The following ZNF385B variants were observed in gnomAD, a reference collection of about 807,000 sequenced individuals.
ZNF385B encodes the protein zinc finger protein 385B, also known as zinc finger protein 533.
In ZNF385B, 23 loss-of-function variants were observed where a neutral mutation model predicts 39.2. The observed-to-expected ratio is 0.59, with a 90% CI of 0.42 to 0.83. The LOEUF (loss-of-function observed/expected upper bound fraction) is 0.83. Among genes scored for constraint, ZNF385B ranks in the 40% least tolerant of loss-of-function variants. ZNF385B has a pLI of 0.00. For synonymous variants in ZNF385B, 205 were observed against 222.6 expected, an observed-to-expected ratio of 0.92 and a Z score of 0.70; for missense variants, 552 against 598.9, an observed-to-expected ratio of 0.92 and a Z score of 0.82.
At chr2:179,584,287 G>A (rs535111902) in intron 3 of ZNF385B, among the ~76,000 whole-genome samples, 1 of 152,034 alleles carries the variant, frequency 6.6e-6, no homozygotes, top group African/African-American at 2.4e-5. Flanking sequence ...ATTGTCAAAA[G>A]TCCCTGGTGG....
chr2:179,691,131 G>C (rs931236217), intron 3 of ZNF385B, among the ~76,000 whole-genome samples: 3 of 152,064 alleles, frequency 2.0e-5, no homozygotes, highest in East Asian at 1.9e-4. Flanking sequence ...ACATTGATTT[G>C]TGCTATATGC....
intron 4 of ZNF385B, among the ~76,000 whole-genome samples, chr2:179,530,008 T>C (rs867061652): frequency 6.9e-6 from 1 of 144,720 alleles, no homozygotes; most frequent in African/African-American, 2.4e-5. Flanking sequence ...AATTTTTCAG[T>C]AGATGTGTAA....
At chr2:179,573,868 G>C (rs997635034) in intron 3 of ZNF385B, among the ~76,000 whole-genome samples, 1 of 152,050 alleles carries the variant, frequency 6.6e-6, no homozygotes, top group African/African-American at 2.4e-5. Context: ...TTCAGTCTCT[G>C]TGAATACGAG....
chr2:179,570,627 A>G (rs956968214), intron 3 of ZNF385B, among the ~76,000 whole-genome samples: 2 of 152,182 alleles, frequency 1.3e-5, no homozygotes, highest in East Asian at 1.9e-4. Context: ...TGTTTCTCTG[A>G]TTCTGAAGAG....
intron 3 of ZNF385B, among the ~76,000 whole-genome samples, chr2:179,548,081 G>A (rs1375344087): frequency 4.7e-5 from 7 of 149,534 alleles, no homozygotes; most frequent in Admixed American, 4.7e-4. Flanking sequence ...TTTGTATCCT[G>A]TAACTTTACT....
intron 6 of ZNF385B, among the ~76,000 whole-genome samples, chr2:179,462,762 A>G (rs2051484652): frequency 6.6e-6 from 1 of 152,204 alleles, no homozygotes; most frequent in South Asian, 2.1e-4. Flanking sequence ...CTAAAGGAGC[A>G]GGAAGAAAAG....
At chr2:179,522,250 T>TA (rs2058557229) in intron 4 of ZNF385B, among the ~76,000 whole-genome samples, 1 of 152,186 alleles carries the variant, frequency 6.6e-6, no homozygotes, top group Non-Finnish European at 1.5e-5. Flanking sequence ...TATAAAGTGG[T>TA]AAAATTCTCA....
At position 179,832,228 on chromosome 2, in the gene ZNF385B, C is replaced by T. The variant is rs1265295319; in HGVS notation, c.-155+28873G>A. On this transcript the variant is annotated intron_variant, in intron 1 of 9. Coordinates refer to ENST00000410066, the MANE Select transcript of ZNF385B (RefSeq NM_152520.6). ...TCTCCCCCTCCTCCCACCTTGGTTC[C>T]CCAGGACACTAGGCATCCATTCCAG... Among the ~76,000 whole-genome samples, 7 of 152,156 alleles carry T rather than the reference C, an allele frequency of 4.6e-5. No individual in the cohort carries two copies. In the East Asian group the frequency reaches 1.4e-3, roughly 29 times the overall value.
At chr2:179,681,671 T>C (rs992083586) in intron 3 of ZNF385B, among the ~76,000 whole-genome samples, 9 of 152,230 alleles carry the variant, frequency 5.9e-5, no homozygotes, top group African/African-American at 2.2e-4. Flanking sequence ...TCATGTAACT[T>C]AATTGACATC....
chr2:179,677,960 A>C (rs2276573), intron 3 of ZNF385B, among the ~76,000 whole-genome samples: 58,192 of 152,096 alleles, frequency 0.38, 12,048 homozygotes, highest in East Asian at 0.57. Context: ...CCACAGAAGA[A>C]TGAACCTAGA....
At chr2:179,691,031 C>T (rs1363014903) in intron 3 of ZNF385B, among the ~76,000 whole-genome samples, 1 of 152,138 alleles carries the variant, frequency 6.6e-6, no homozygotes, top group Non-Finnish European at 1.5e-5. Context: ...GACAAGGCTC[C>T]AGCTATCAGC....
At chr2:179,709,065 G>A (rs1346967586) in intron 3 of ZNF385B, among the ~76,000 whole-genome samples, 9 of 152,112 alleles carry the variant, frequency 5.9e-5, no homozygotes, top group Admixed American at 2.6e-4. Context: ...CATCCCCCTT[G>A]CCCCAGAGAG....
chr2:179,747,121 C>T (rs1702427224), intron 3 of ZNF385B, among the ~76,000 whole-genome samples: 1 of 152,054 alleles, frequency 6.6e-6, no homozygotes, highest in African/African-American at 2.4e-5. Context: ...TTCTAGTAAT[C>T]CTACCAGCTC....
At chr2:179,536,447 G>T (rs2059571584) in intron 4 of ZNF385B, 1 of 152,148 alleles carries the variant, frequency 6.6e-6, no homozygotes, top group Non-Finnish European at 1.5e-5. Flanking sequence ...AGAACCATGT[G>T]ACATTGGGAC....
At chr2:179,576,682 A>G (rs547634622) in intron 3 of ZNF385B, among the ~76,000 whole-genome samples, 1 of 152,316 alleles carries the variant, frequency 6.6e-6, no homozygotes, top group East Asian at 1.9e-4. Flanking sequence ...AACAAATTTG[A>G]ACATGATTCA....
Position 179,593,683 on chromosome 2 carries a change from G to T in ZNF385B, c.299-48714C>A, listed in dbSNP as rs1687760985. Reference sequence around the variant, plus strand: ...TAGCTAAGCCTGCTTCTACCAAAATGTCAACTACTGTCAACATTTTTAGAG... The same window carrying T: ...TAGCTAAGCCTGCTTCTACCAAAATTTCAACTACTGTCAACATTTTTAGAG... On this transcript the variant is annotated intron_variant, in intron 3 of 9. Transcript: ENST00000410066. 2.0e-5 allele frequency among the ~76,000 whole-genome samples: 3 copies of T among 152,128 alleles called. No homozygotes were observed. The South Asian group carries it at 6.2e-4, about 32-fold the overall frequency.
chr2:179,728,025 C>T (rs979708375), intron 3 of ZNF385B, among the ~76,000 whole-genome samples: 2 of 152,152 alleles, frequency 1.3e-5, no homozygotes, highest in African/African-American at 2.4e-5. Flanking sequence ...AAAAATGCCC[C>T]GACTCTTGAA....
At chr2:179,669,432 C>A (rs1695618680) in intron 3 of ZNF385B, among the ~76,000 whole-genome samples, 1 of 152,188 alleles carries the variant, frequency 6.6e-6, no homozygotes, top group South Asian at 2.1e-4. Context: ...TGGGGCCTGT[C>A]ATCAGCATAT....
At chr2:179,793,213 C>A (rs1393000759) in intron 1 of ZNF385B, among the ~76,000 whole-genome samples, 1 of 152,100 alleles carries the variant, frequency 6.6e-6, no homozygotes, top group African/African-American at 2.4e-5. Flanking sequence ...AGACATGAAC[C>A]CAGATCTGTC....
Sources: gnomAD v4.1 joint callset for allele counts (sites outside exome capture counted in the v4.1 genomes callset) on GRCh38, gnomAD v4.1.1 for gene constraint, MANE v1.5 for transcripts, NCBI Gene and HGNC (gene_info 2026-07-23, HGNC 2026-07-21) for gene names.